C2CD3: variants seen among roughly 807,000 people sequenced by gnomAD.
C2CD3 encodes C2 domain containing 3 centriole elongation regulator.
In C2CD3, 148 loss-of-function variants were observed where a neutral mutation model predicts 234.0. The ratio of observed to expected loss-of-function variants is 0.63; its 90% CI spans 0.55 to 0.72. The LOEUF is 0.72. Ranked by LOEUF, C2CD3 falls within the 30% of genes least tolerant of loss-of-function variation. C2CD3 has a pLI of 0.00. For missense variants in C2CD3, 2,577 were observed against 2,811.5 expected (o/e 0.92, Z 1.89); for synonymous variants, 1,000 against 1,035.4 (o/e 0.97, Z 0.66).
At chr11:74,090,410 G>C (rs370479524) in intron 20 of C2CD3, among the ~76,000 whole-genome samples, 8 of 152,144 alleles carry the variant, frequency 5.3e-5, no homozygotes, top group African/African-American at 1.9e-4. Flanking sequence ...AGTGTTCATA[G>C]GTTCACTGGC....
chr11:74,073,387 G>T (rs1954885300), intron 24 of C2CD3, among the ~76,000 whole-genome samples: 1 of 151,998 alleles, frequency 6.6e-6, no homozygotes, highest in Non-Finnish European at 1.5e-5. Flanking sequence ...AGGAGTTCGA[G>T]ATCAGCCTGT....
intron 28 of C2CD3, 58 bp from the exon 29 acceptor site, chr11:74,042,276 C>T (rs1953105947): frequency 1.3e-6 from 2 of 1,524,908 alleles, no homozygotes; most frequent in Non-Finnish European, 1.8e-6. Context: ...TCAATGAGAA[C>T]ACTGCTAGTG....
intron 3 of C2CD3, among the ~76,000 whole-genome samples, chr11:74,142,606 G>C (rs1424196300): frequency 6.6e-6 from 1 of 152,236 alleles, no homozygotes; most frequent in Non-Finnish European, 1.5e-5. Flanking sequence ...GGAGTGCCAG[G>C]GATGATTTCC....
intron 24 of C2CD3, among the ~76,000 whole-genome samples, chr11:74,069,570 G>A (rs886250825): frequency 3.3e-5 from 5 of 152,262 alleles, no homozygotes; most frequent in East Asian, 1.9e-4. Flanking sequence ...TCTGAAAATC[G>A]CATAAGATAG....
rs192957336 is a variant in C2CD3, at chr11:74,139,845, G to A, written c.484-17C>T. On this transcript the variant is annotated splice_polypyrimidine_tract_variant and intron_variant, in intron 3 of 32. Coordinates refer to ENST00000334126, the MANE Select transcript of C2CD3 (RefSeq NM_001286577.2). ...AAGTGAGACCTAAGAGAGACAGGTA[G>A]TATATGAGAAATTTTCTTTAGCATT... is the stretch of plus-strand genomic sequence containing the variant. 8.7e-6 allele frequency: 13 copies of A among 1,495,552 alleles called. No homozygotes were observed. In the East Asian group the frequency reaches 1.8e-4, roughly 21 times the overall value. 92.6% of individuals were successfully genotyped at this position (1,495,552 alleles called of 1,614,324 possible). A position where few individuals can be genotyped will look rare whatever the true frequency, so the allele number is the denominator to read the frequency against.
intron 32 of C2CD3, among the ~76,000 whole-genome samples, chr11:74,027,101 G>C (rs1283609307): frequency 2.0e-5 from 3 of 151,870 alleles, no homozygotes; most frequent in Non-Finnish European, 4.4e-5. Flanking sequence ...GTGAAGCTCT[G>C]AGCCTCAGTT....
chr11:74,136,428 A>G (rs1045047013), intron 5 of C2CD3, among the ~76,000 whole-genome samples: 2 of 152,250 alleles, frequency 1.3e-5, no homozygotes, highest in African/African-American at 4.8e-5. Flanking sequence ...AAGCAAAAGC[A>G]AAACAAAACA....
intron 7 of C2CD3, among the ~76,000 whole-genome samples, chr11:74,128,028 A>C (rs542172711): frequency 6.6e-6 from 1 of 152,028 alleles, no homozygotes; most frequent in African/African-American, 2.4e-5. Flanking sequence ...ACACCTGGCT[A>C]ATTTTTTTGT....
intron 3 of C2CD3, among the ~76,000 whole-genome samples, chr11:74,158,553 T>A (rs1406833063): frequency 6.6e-6 from 1 of 151,904 alleles, no homozygotes; most frequent in African/African-American, 2.4e-5. Context: ...TGAAACCCTG[T>A]CTCTACTAAA....
chr11:74,055,764 A>C (rs1259454323), intron 25 of C2CD3, among the ~76,000 whole-genome samples: 1 of 152,222 alleles, frequency 6.6e-6, no homozygotes, highest in Non-Finnish European at 1.5e-5. Context: ...TGATAAAGGA[A>C]TTATAAACAG....
chr11:74,103,388 C>T lies in C2CD3; in HGVS notation c.2323G>A (p.Ala775Thr), dbSNP rs767165054. ...GCTACGAAGGTTGAAGGATGTGGTG[C>T]TACAGGGCTTGGTGACTTTCGGTTG... Reference protein sequence around the residue: ...LPNRKSPSPVAPHPSTFVATP... With the variant: ...LPNRKSPSPVTPHPSTFVATP... The change falls in exon 14 of 33, where the codon GCA (alanine) becomes ACA (threonine). Residue 775 changes from alanine (A) to threonine (T), a missense_variant. Transcript: ENST00000334126. The T allele has an allele frequency of 6.2e-7, 1 of 1,614,212 alleles. No individual in the cohort carries two copies.
chr11:74,140,584 C>A (rs998726732), intron 3 of C2CD3, among the ~76,000 whole-genome samples: 2 of 152,114 alleles, frequency 1.3e-5, no homozygotes, highest in Admixed American at 6.5e-5. Context: ...GGAGAAGGTA[C>A]TTGCGACCTT....
At position 74,074,268 on chromosome 11, in the gene C2CD3, G is replaced by A; in HGVS notation, c.4936C>T (p.His1646Tyr). 6.2e-7 allele frequency: 1 copy of A among 1,613,432 alleles called. No homozygotes were observed. Among genetic ancestry groups the A allele is most frequent in the Non-Finnish European group, 8.5e-7 (1 of 1,179,454 alleles). ...GAGAGCATACCTTTCAAGCTCAAGTGCATTGCTCTTTCTACTAGGATGCTG... is the reference window on the plus strand; with the variant it reads ...GAGAGCATACCTTTCAAGCTCAAGTACATTGCTCTTTCTACTAGGATGCTG... ...AVSILVERAM[H>Y]LSLKGSPLTE... Residue 1646 changes from histidine (H) to tyrosine (Y), a missense_variant, in exon 24 of 33, where the codon CAC (histidine) becomes TAC (tyrosine). Transcript: ENST00000334126.
In C2CD3 at chr11:74,080,591, G is replaced by C. The variant is rs559162446; in HGVS notation, c.4001-1874C>G. Among the ~76,000 whole-genome samples the C allele has an allele frequency of 1.2e-4, 19 of 152,292 alleles. No individual in the cohort carries two copies. In the South Asian group the frequency reaches 3.3e-3, roughly 27 times the overall value. Reference sequence around the variant, plus strand: ...TTAGCTTTGCGATTCTATAATTGAGGTTATAGGTAGGAAAAAACAAAATAG... The same window carrying C: ...TTAGCTTTGCGATTCTATAATTGAGCTTATAGGTAGGAAAAAACAAAATAG... On this transcript the variant is annotated intron_variant, in intron 22 of 32. Coordinates refer to ENST00000334126, the MANE Select transcript of C2CD3 (RefSeq NM_001286577.2).
chr11:74,112,889 C>A (rs770016081), intron 11 of C2CD3, among the ~76,000 whole-genome samples: 1 of 152,164 alleles, frequency 6.6e-6, no homozygotes, highest in Admixed American at 6.6e-5. Context: ...TCTGGCAGTT[C>A]TTGAAAAAGT....
chr11:74,045,588 G>A (rs1223362385), intron 28 of C2CD3, among the ~76,000 whole-genome samples: 1 of 140,848 alleles, frequency 7.1e-6, no homozygotes, highest in South Asian at 2.3e-4. Flanking sequence ...TTTTTTTTTT[G>A]GCAGACAGGG....
At chr11:74,160,551 C>T (rs181135145) in intron 3 of C2CD3, among the ~76,000 whole-genome samples, 15 of 151,980 alleles carry the variant, frequency 9.9e-5, no homozygotes, top group African/African-American at 3.1e-4. Context: ...AGATCTCATA[C>T]AAGTAGAGCA....
At chr11:74,025,999 G>T (rs1264384878) in intron 32 of C2CD3, among the ~76,000 whole-genome samples, 3 of 152,124 alleles carry the variant, frequency 2.0e-5, no homozygotes, top group Non-Finnish European at 2.9e-5. Context: ...GAGATGAGCT[G>T]GTGACCACAA....
At chr11:74,032,252 G>T (rs995040280) in intron 31 of C2CD3, among the ~76,000 whole-genome samples, 1 of 152,176 alleles carries the variant, frequency 6.6e-6, no homozygotes, top group African/African-American at 2.4e-5. Flanking sequence ...TGTGGGTCTA[G>T]AAGGGTCAAA....
Sources: allele counts gnomAD v4.1 joint callset (sites outside exome capture counted in the v4.1 genomes callset), GRCh38; gene constraint gnomAD v4.1.1; transcripts MANE v1.5; gene names NCBI Gene and HGNC (gene_info 2026-07-23, HGNC 2026-07-21).